The following PCDHGB5 variants were observed in gnomAD, a reference collection of about 807,000 sequenced individuals.
PCDHGB5 encodes protocadherin gamma-B5.
A neutral mutation model predicts 62.9 loss-of-function variants in PCDHGB5; 48 were observed. That is an observed-to-expected ratio of 0.76 (90% confidence interval 0.61 to 0.97). The LOEUF is 0.97. Among genes scored for constraint, PCDHGB5 ranks in the 50% least tolerant of loss-of-function variants. The pLI is 0.00. For missense variants in PCDHGB5, 1,118 were observed against 1,198.6 expected (o/e 0.93, Z 0.99); for synonymous variants, 474 against 511.2 (o/e 0.93, Z 0.98).
intron 2 of PCDHGB5, 40 bp from the exon 3 acceptor site, chr5:141,505,353 G>T (rs376781305): frequency 1.7e-5 from 27 of 1,613,426 alleles, no homozygotes; most frequent in Non-Finnish European, 2.0e-5. Flanking sequence ...GAGCTGTGCC[G>T]GCCTGGGAGT....
intron 1 of PCDHGB5, chr5:141,430,598 T>G: frequency 1.7e-6 from 1 of 598,568 alleles, no homozygotes; most frequent in Non-Finnish European, 2.6e-6. Context: ...TGCACGCGCC[T>G]GAAGCACAAA....
At chr5:141,466,809 C>T (rs1187657283) in intron 1 of PCDHGB5, among the ~76,000 whole-genome samples, 2 of 152,102 alleles carry the variant, frequency 1.3e-5, no homozygotes, top group African/African-American at 4.8e-5. Context: ...CCTATTCAGA[C>T]ATGGTATAAC....
At chr5:141,474,998 T>C (rs1029967243) in intron 1 of PCDHGB5, among the ~76,000 whole-genome samples, 1 of 152,260 alleles carries the variant, frequency 6.6e-6, no homozygotes, top group Non-Finnish European at 1.5e-5. Context: ...CAATTCTAAA[T>C]GCAGAAAAGT....
chr5:141,472,998 G>GAA (rs2099311030), intron 1 of PCDHGB5, among the ~76,000 whole-genome samples: 1 of 134,744 alleles, frequency 7.4e-6, no homozygotes, highest in Non-Finnish European at 1.6e-5. Flanking sequence ...AAAAAAAAAA[G>GAA]AAAGAAAAAG....
chr5:141,399,483 C>G lies in PCDHGB5; in HGVS notation c.1356C>G (p.Ser452=), dbSNP rs753137844. The G allele has an allele frequency of 6.2e-7, 1 of 1,613,930 alleles. No individual in the cohort carries two copies. Among genetic ancestry groups the G allele is most frequent in the African/African-American group, 1.3e-5 (1 of 74,956 alleles). Residue 452 remains serine, a synonymous_variant, in exon 1 of 4, where the codon TCC becomes TCG. Coordinates refer to ENST00000617380, the MANE Select transcript of PCDHGB5 (RefSeq NM_018925.3). ...ACGCTCCGGTTTTCCACCAGGCGTC[C>G]TACTTAGTCAGTGTACCCGAAAACA... ...NDNAPVFHQA[S]YLVSVPENNP... is the part of the protein sequence containing the mutation.
intron 1 of PCDHGB5, among the ~76,000 whole-genome samples, chr5:141,439,208 C>A: frequency 6.6e-6 from 1 of 151,294 alleles, no homozygotes. Flanking sequence ...AAAAAAAATC[C>A]ATATGTGAAA....
In PCDHGB5 at chr5:141,432,285, C is replaced by A; in HGVS notation, c.2397+31761C>A. On this transcript the variant is annotated intron_variant, in intron 1 of 3. Transcript: ENST00000617380. The surrounding 1 kb of genome is among the most constrained non-coding windows in gnomAD (Gnocchi z 6.0). ...CTATCGTCCTACGTGTCCATCAACTCCGACACTGGGGTACTGTATGCGCTG... is the reference window on the plus strand; with the variant it reads ...CTATCGTCCTACGTGTCCATCAACTACGACACTGGGGTACTGTATGCGCTG... The A allele has an allele frequency of 6.2e-7, 1 of 1,614,262 alleles. No homozygotes were observed. The highest frequency in any genetic ancestry group is 8.5e-7 in the Non-Finnish European group (1 of 1,180,052).
chr5:141,408,728 C>A lies in PCDHGB5; in HGVS notation c.2397+8204C>A, dbSNP rs371316574. 3.7e-6 allele frequency: 6 copies of A among 1,610,174 alleles called. No individual in the cohort carries two copies. In the African/African-American group the frequency reaches 8.0e-5, roughly 22 times the overall value. ...TAAAGATTATAAGATAAACTCTAATCCTTATTTTTCATTAATGGTTAGAGT... is the reference window on the plus strand; with the variant it reads ...TAAAGATTATAAGATAAACTCTAATACTTATTTTTCATTAATGGTTAGAGT... On this transcript the variant is annotated intron_variant, in intron 1 of 3. Transcript: ENST00000617380.
chr5:141,493,140 C>T lies in PCDHGB5; in HGVS notation c.2398-1667C>T, dbSNP rs2099746336. Among the ~76,000 whole-genome samples, 1 of 146,374 alleles carries T rather than the reference C, an allele frequency of 6.8e-6. No homozygotes were observed. Among genetic ancestry groups the T allele is most frequent in the African/African-American group, 2.5e-5 (1 of 40,746 alleles). ...GCTCCTAGGACTGTATTTTGAAACACCCCCAGGTGATTTTGATAGCTGATT... is the reference window on the plus strand; with the variant it reads ...GCTCCTAGGACTGTATTTTGAAACATCCCCAGGTGATTTTGATAGCTGATT... On this transcript the variant is annotated intron_variant, in intron 1 of 3. Transcript: ENST00000617380. This position sits in a 1 kb window ranked among gnomAD's most constrained non-coding sequence, Gnocchi z 4.3.
At chr5:141,420,625 T>C (rs1440415745) in intron 1 of PCDHGB5, among the ~76,000 whole-genome samples, 1 of 152,242 alleles carries the variant, frequency 6.6e-6, no homozygotes, top group Non-Finnish European at 1.5e-5. Flanking sequence ...CTTCATTTAC[T>C]CAATAAAGGA....
intron 1 of PCDHGB5, chr5:141,478,153 T>G (rs1477175391): frequency 3.1e-6 from 5 of 1,613,934 alleles, no homozygotes; most frequent in Middle Eastern, 1.6e-4. Flanking sequence ...AGTTCCCCTC[T>G]GGCTCTGCCC....
At chr5:141,438,585 TAC>T (rs1561889967) in intron 1 of PCDHGB5, among the ~76,000 whole-genome samples, 141 of 61,160 alleles carry the variant, frequency 2.3e-3, no homozygotes, top group South Asian at 4.3e-3. Flanking sequence ...CATACATACA[TAC>T]ATACATATAT....
Position 141,398,392 on chromosome 5 carries a change from A to T in PCDHGB5, c.265A>T (p.Arg89Trp). The change falls in exon 1 of 4, where the codon AGG (arginine) becomes TGG (tryptophan). Residue 89 changes from arginine (R) to tryptophan (W), a missense_variant. Around this residue, in one of 2 missense-constraint regions of PCDHGB5, gnomAD observed 84 missense variants for 169.5 expected, o/e 0.50. Transcript: ENST00000617380. ...AESGELLVSS[R>W]LDREEICGKK... ...GAGCGGGGAGTTGCTTGTGAGCAGC[A>T]GGCTAGACAGGGAGGAGATATGCGG... is the stretch of plus-strand genomic sequence containing the variant. 1 of 1,456,390 alleles carries T rather than the reference A, an allele frequency of 6.9e-7. No homozygotes were observed. Among genetic ancestry groups the T allele is most frequent in the Non-Finnish European group, 9.5e-7 (1 of 1,048,714 alleles). 90.2% of individuals were successfully genotyped at this position (1,456,390 alleles called of 1,614,324 possible).
In PCDHGB5 at chr5:141,487,938, G is replaced by A; in HGVS notation, c.2398-6869G>A. ...GAGGCTACAGTGCACAGGGTACAGT[G>A]CACCAGGCAGTCACTTGGACAAAGG... is the stretch of plus-strand genomic sequence containing the variant. On this transcript the variant is annotated intron_variant, in intron 1 of 3. Coordinates refer to ENST00000617380, the MANE Select transcript of PCDHGB5 (RefSeq NM_018925.3). This position sits in a 1 kb window ranked among gnomAD's most constrained non-coding sequence, Gnocchi z 5.0. 1.7e-6 allele frequency: 1 copy of A among 600,308 alleles called. No homozygotes were observed. The highest frequency in any genetic ancestry group is 2.9e-6 in the Non-Finnish European group (1 of 342,970). 37.2% of individuals were successfully genotyped at this position (600,308 alleles called of 1,614,324 possible).
chr5:141,408,769 C>A (rs754783489), intron 1 of PCDHGB5: 3 of 1,611,166 alleles, frequency 1.9e-6, no homozygotes, highest in South Asian at 1.1e-5. Flanking sequence ...CCGATGGTGG[C>A]AAATACCCAG....
chr5:141,469,553 G>A (rs989713451), intron 1 of PCDHGB5, among the ~76,000 whole-genome samples: 2 of 152,086 alleles, frequency 1.3e-5, no homozygotes, highest in African/African-American at 2.4e-5. Flanking sequence ...CCAGCCTGGC[G>A]ACAGAGTGAG....
At chr5:141,409,519 C>T in intron 1 of PCDHGB5, 1 of 1,614,040 alleles carries the variant, frequency 6.2e-7, no homozygotes, top group Non-Finnish European at 8.5e-7. Context: ...GAAGCATCAC[C>T]TTGTATGTCG....
At position 141,484,779 on chromosome 5, in the gene PCDHGB5, C is replaced by G. The variant is rs186158562; in HGVS notation, c.2398-10028C>G. On this transcript the variant is annotated intron_variant, in intron 1 of 3. Transcript: ENST00000617380. ...ATATATATATATGTTGTCTGCCTCCCCACAGAGATAACAACCCGTGGAAAA... is the reference window on the plus strand; with the variant it reads ...ATATATATATATGTTGTCTGCCTCCGCACAGAGATAACAACCCGTGGAAAA... Among the ~76,000 whole-genome samples, 137 of 152,130 alleles carry G rather than the reference C, an allele frequency of 9.0e-4. 1 individual carries two copies. Among genetic ancestry groups the G allele is most frequent in the Non-Finnish European group, 1.6e-3 (110 of 67,996 alleles).
chr5:141,407,847 T>C (rs1236964962), intron 1 of PCDHGB5, among the ~76,000 whole-genome samples: 2 of 152,224 alleles, frequency 1.3e-5, no homozygotes, highest in African/African-American at 4.8e-5. Context: ...TTGAGGGGGA[T>C]GTACACCTGC....
Sources: gnomAD v4.1 joint callset for allele counts (sites outside exome capture counted in the v4.1 genomes callset) on GRCh38, gnomAD v4.1.1 for gene constraint, gnomAD v4.1.1 regional missense constraint, Gnocchi (gnomAD v3.1) non-coding constraint, MANE v1.5 for transcripts, NCBI Gene and HGNC (gene_info 2026-07-23, HGNC 2026-07-21) for gene names.